The following FAM53A variants were observed in gnomAD, a reference collection of about 807,000 sequenced individuals.
The protein encoded by FAM53A is family with sequence similarity 53 member A, also known as protein FAM53A.
In FAM53A, 28 loss-of-function variants were observed where a neutral mutation model predicts 26.6. That is an observed-to-expected ratio of 1.05 (90% CI 0.78 to 1.45). The LOEUF is 1.45. Among genes scored for constraint, FAM53A ranks in the 40% most tolerant of loss-of-function variants. The pLI, the probability that FAM53A is intolerant of heterozygous loss-of-function variation, is 0.00. For synonymous variants in FAM53A, 290 were observed against 253.1 expected (o/e 1.15, Z -1.38); for missense variants, 650 against 575.8 (o/e 1.13, Z -1.32).
At chr4:1,593,309 G>A in the FAM53A span, among the ~76,000 whole-genome samples, 2 of 152,164 alleles carry the variant, frequency 1.3e-5, no homozygotes, top group East Asian at 1.9e-4. Context: ...CGCGGCAGGT[G>A]CGCTCAGCCC....
At chr4:1,669,116 C>T (rs1312569311) in intron 1 of FAM53A, among the ~76,000 whole-genome samples, 1 of 152,102 alleles carries the variant, frequency 6.6e-6, no homozygotes, top group African/African-American at 2.4e-5. Context: ...CACATTAGAC[C>T]CACCCGCCCC....
At chr4:1,667,705 C>T (rs1010518793) in intron 2 of FAM53A, among the ~76,000 whole-genome samples, 5 of 152,176 alleles carry the variant, frequency 3.3e-5, no homozygotes, top group South Asian at 2.1e-4. Context: ...CTCTCATTTC[C>T]GTAACACGCA....
chr4:1,638,825 TG>T (rs1715967026), downstream of FAM53A, among the ~76,000 whole-genome samples: 1 of 152,218 alleles, frequency 6.6e-6, no homozygotes. Context: ...TGCCTGTCCT[TG>T]AAGGGGACTC....
At chr4:1,602,716 C>T in the FAM53A span, among the ~76,000 whole-genome samples, 4 of 152,174 alleles carry the variant, frequency 2.6e-5, no homozygotes, top group African/African-American at 4.8e-5. Flanking sequence ...TGAGCGAGAC[C>T]CGGTGTAAGG....
At chr4:1,591,113 A>C in the FAM53A span, among the ~76,000 whole-genome samples, 1 of 151,348 alleles carries the variant, frequency 6.6e-6, no homozygotes, top group Non-Finnish European at 1.5e-5. Flanking sequence ...TAGAATTGCT[A>C]TCCCACATTG....
the FAM53A span, among the ~76,000 whole-genome samples, chr4:1,577,430 G>C: frequency 6.6e-6 from 1 of 151,972 alleles, no homozygotes; most frequent in East Asian, 1.9e-4. Flanking sequence ...AGGGTGCGGG[G>C]TGGTAGGGGG....
chr4:1,614,208 C>T (rs530222035), downstream of FAM53A, among the ~76,000 whole-genome samples: 3 of 152,202 alleles, frequency 2.0e-5, no homozygotes, highest in Non-Finnish European at 2.9e-5. Flanking sequence ...TCCCAGAGGC[C>T]GGCTGTGGGG....
the FAM53A span, among the ~76,000 whole-genome samples, chr4:1,595,457 C>T: frequency 2.0e-5 from 3 of 152,324 alleles, no homozygotes; most frequent in South Asian, 2.1e-4. Flanking sequence ...CAGGGCTGCC[C>T]CACCCCTAGG....
At chr4:1,609,232 C>T in the FAM53A span, among the ~76,000 whole-genome samples, 2 of 151,954 alleles carry the variant, frequency 1.3e-5, no homozygotes, top group South Asian at 4.2e-4. Context: ...AAACAGAGTC[C>T]GGGGCCTGGG....
chr4:1,598,584 C>T, the FAM53A span, among the ~76,000 whole-genome samples: 2 of 152,210 alleles, frequency 1.3e-5, no homozygotes, highest in South Asian at 2.1e-4. Context: ...GAATTGCTGT[C>T]GTCCGATCCT....
intron 2 of FAM53A, among the ~76,000 whole-genome samples, chr4:1,668,301 G>A (rs909500864): frequency 1.3e-5 from 2 of 152,014 alleles, no homozygotes; most frequent in African/African-American, 4.8e-5. Flanking sequence ...TACCGTGCCC[G>A]GCTAATTTTT....
At chr4:1,684,698 G>T (rs1261022186), upstream of FAM53A, among the ~76,000 whole-genome samples, 1 of 151,786 alleles carries the variant, frequency 6.6e-6, no homozygotes. Flanking sequence ...GACCCAGCCC[G>T]GGGCGCGCGG....
At chr4:1,585,883 C>T in the FAM53A span, among the ~76,000 whole-genome samples, 1 of 152,038 alleles carries the variant, frequency 6.6e-6, no homozygotes, top group Admixed American at 6.5e-5. Flanking sequence ...CGCCACCACA[C>T]CTGGCTAATT....
chr4:1,595,325 T>C, the FAM53A span, among the ~76,000 whole-genome samples: 1 of 152,184 alleles, frequency 6.6e-6, no homozygotes, highest in Non-Finnish European at 1.5e-5. Context: ...GCGTGGCCAT[T>C]GGACAGTGGC....
At position 1,655,022 on chromosome 4, in the gene FAM53A, C is replaced by G; in HGVS notation, c.838G>C (p.Ala280Pro). 1 of 1,559,940 alleles carries G rather than the reference C, an allele frequency of 6.4e-7. No individual in the cohort carries two copies. Among genetic ancestry groups the G allele is most frequent in the African/African-American group, 1.4e-5 (1 of 72,282 alleles). The change falls in exon 4 of 5, where the codon GCC (alanine) becomes CCC (proline). Residue 280 changes from alanine to proline, a missense_variant. Physicochemically the swap from Ala to Pro is conservative, Grantham distance 27. Coordinates refer to ENST00000308132, the MANE Select transcript of FAM53A (RefSeq NM_001174070.3). ...SRRKRRREED[A>P]RWTRPSLDFL... ...TCCAAGGATGGGCGTGTCCACCTGG[C>G]GTCCTCCTCACGCCTCCGTTTGCGC...
the FAM53A span, among the ~76,000 whole-genome samples, chr4:1,582,221 G>T: frequency 1.3e-5 from 2 of 152,234 alleles, no homozygotes; most frequent in Non-Finnish European, 2.9e-5. Context: ...GATAAGAAGG[G>T]TCCCTGCCGT....
intron 1 of FAM53A, among the ~76,000 whole-genome samples, chr4:1,632,343 T>C (rs1715644449): frequency 6.6e-6 from 1 of 151,988 alleles, no homozygotes; most frequent in African/African-American, 2.4e-5. Flanking sequence ...AGGGAGATAG[T>C]GGCCGCCTTT....
chr4:1,685,363 G>A (rs759424032), upstream of FAM53A, among the ~76,000 whole-genome samples: 7 of 152,016 alleles, frequency 4.6e-5, no homozygotes, highest in Admixed American at 1.3e-4. Flanking sequence ...AGAAGGGGTG[G>A]TCTGACGGGA....
At chr4:1,618,385 T>C (rs920412833) in intron 1 of FAM53A, among the ~76,000 whole-genome samples, 80 of 152,198 alleles carry the variant, frequency 5.3e-4, no homozygotes, top group African/African-American at 1.4e-3. Flanking sequence ...CCAGTAACTG[T>C]TGGGGCCTGA....
Sources: allele counts gnomAD v4.1 joint callset (sites outside exome capture counted in the v4.1 genomes callset), GRCh38; gene constraint gnomAD v4.1.1; transcripts MANE v1.5; gene names NCBI Gene and HGNC (gene_info 2026-07-23, HGNC 2026-07-21).